Variants in KIAA1671 observed in about 807,000 individuals in gnomAD.
KIAA1671 encodes the protein uncharacterized protein KIAA1671.
A neutral mutation model predicts 131.2 loss-of-function variants in KIAA1671; 52 were observed. The ratio of observed to expected loss-of-function variants is 0.40; its 90% CI spans 0.32 to 0.50. KIAA1671 has a LOEUF of 0.50. Among genes scored for constraint, KIAA1671 ranks in the 20% least tolerant of loss-of-function variants. The pLI, the probability that KIAA1671 is intolerant of heterozygous loss-of-function variation, is 0.73. For synonymous variants in KIAA1671, 1,003 were observed against 961.6 expected (o/e 1.04, Z -0.80); for missense variants, 2,360 against 2,364.2 (o/e 1.00, Z 0.04).
chr22:25,190,677 T>A (rs769622925), intron 11 of KIAA1671, 25 bp from the exon 12 acceptor site: 1 of 1,543,330 alleles, frequency 6.5e-7, no homozygotes, highest in African/African-American at 1.4e-5. Flanking sequence ...TTTCAACTAG[T>A]CTCTTACTGG....
chr22:25,073,336 G>A (rs56089889), intron 6 of KIAA1671, among the ~76,000 whole-genome samples: 27,102 of 152,166 alleles, frequency 0.18, 3,048 homozygotes, highest in Non-Finnish European at 0.23. Flanking sequence ...CCAAAGTGCT[G>A]GGACTACAGG....
rs1420700524 is a variant in KIAA1671 at position 25,040,815 on chromosome 22, C to T, written c.3685C>T (p.Pro1229Ser). ...AQERRSPTVEPSTLPRERPVQ... is the reference protein window; with the variant it reads ...AQERRSPTVESSTLPRERPVQ... ...GGAGAGGAGGAGTCCCACCGTGGAG[C>T]CCAGTACGTTGCCTCGGGAGAGGCC... Residue 1229 changes from proline (P) to serine (S), a missense_variant, in exon 5 of 13, where the codon CCC becomes TCC. Physicochemically the swap from Pro to Ser is moderately conservative, Grantham distance 74. Coordinates refer to ENST00000358431, the MANE Select transcript of KIAA1671 (RefSeq NM_001145206.2). 1 of 1,551,522 alleles carries T rather than the reference C, an allele frequency of 6.4e-7. No homozygotes were observed.
At chr22:25,139,150 G>T (rs545621048) in intron 6 of KIAA1671, among the ~76,000 whole-genome samples, 1 of 152,202 alleles carries the variant, frequency 6.6e-6, no homozygotes, top group Non-Finnish European at 1.5e-5. Flanking sequence ...GGAATTCTGG[G>T]GATGCTGCTT....
chr22:25,069,516 G>A (rs954222039), intron 6 of KIAA1671, among the ~76,000 whole-genome samples: 3 of 152,200 alleles, frequency 2.0e-5, no homozygotes, highest in African/African-American at 7.2e-5. Flanking sequence ...GCTGGGCTGG[G>A]TGTCCACAGG....
chr22:25,083,037 C>T (rs1929497188), intron 6 of KIAA1671, among the ~76,000 whole-genome samples: 1 of 151,996 alleles, frequency 6.6e-6, no homozygotes, highest in Non-Finnish European at 1.5e-5. Flanking sequence ...TTTTATTTTG[C>T]TCCTCCTATG....
At chr22:25,181,029 G>A (rs1339944711) in intron 9 of KIAA1671, among the ~76,000 whole-genome samples, 2 of 152,110 alleles carry the variant, frequency 1.3e-5, no homozygotes, top group Non-Finnish European at 2.9e-5. Flanking sequence ...CAGTTCCTCG[G>A]GTAGCCCAAG....
Position 24,952,792 on chromosome 22 carries a change from C to G in KIAA1671, c.-208+20C>G, listed in dbSNP as rs1370104117. 1 of 152,902 alleles carries G rather than the reference C, an allele frequency of 6.5e-6. No individual in the cohort carries two copies. The highest frequency in any genetic ancestry group is 1.5e-5 in the Non-Finnish European group (1 of 68,150). The allele number at this position is 152,902 out of a possible 1,614,324, so 9.5% of individuals were successfully genotyped here. A position where few individuals can be genotyped will look rare whatever the true frequency, so the allele number is the denominator to read the frequency against. On this transcript the variant is annotated intron_variant, in intron 1 of 12. Coordinates refer to ENST00000358431, the MANE Select transcript of KIAA1671 (RefSeq NM_001145206.2). This position sits in a 1 kb window ranked among gnomAD's most constrained non-coding sequence, Gnocchi z 4.5. ...TCCACGGTAGGTTGCGCAGCGGCTG[C>G]GGGCAGTGGGGGCCGGCTGGCCGCC...
At chr22:25,191,745 C>T (rs887228847) in intron 12 of KIAA1671, among the ~76,000 whole-genome samples, 4 of 152,126 alleles carry the variant, frequency 2.6e-5, no homozygotes, top group South Asian at 2.1e-4. Flanking sequence ...TCAAAGTCAG[C>T]GTTGATGTGA....
intron 9 of KIAA1671, among the ~76,000 whole-genome samples, chr22:25,178,488 G>A (rs1218320781): frequency 2.0e-5 from 3 of 152,284 alleles, no homozygotes; most frequent in Non-Finnish European, 2.9e-5. Flanking sequence ...GGTCTTTCAA[G>A]GACATCTGCA....
Position 25,195,573 on chromosome 22 carries a change from G to A in KIAA1671, c.*3172G>A, listed in dbSNP as rs545837110. On this transcript the variant is annotated 3_prime_UTR_variant, in exon 13 of 13. Transcript: ENST00000358431. ...TCCCTGGAAGGGAGGCCAACTAAGG[G>A]TATCACCAAGAAGCCAAAAGAGAAA... 6.6e-6 allele frequency: 1 copy of A among 152,158 alleles called. No individual in the cohort carries two copies. The highest frequency in any genetic ancestry group is 1.5e-5 in the Non-Finnish European group (1 of 68,026). The allele number at this position is 152,158 out of a possible 1,614,324, so 9.4% of individuals were successfully genotyped here.
At chr22:25,187,214 A>G (rs1601395034) in intron 11 of KIAA1671, among the ~76,000 whole-genome samples, 1 of 152,234 alleles carries the variant, frequency 6.6e-6, no homozygotes, top group Non-Finnish European at 1.5e-5. Flanking sequence ...GAACAGAATC[A>G]GTCACGTCCT....
chr22:25,121,427 A>T (rs1214280908), intron 6 of KIAA1671, among the ~76,000 whole-genome samples: 3 of 150,172 alleles, frequency 2.0e-5, no homozygotes, highest in Non-Finnish European at 2.9e-5. Flanking sequence ...ACGCCACTGC[A>T]CTCCAGCCTG....
chr22:25,026,898 TGA>T (rs1242559025), intron 2 of KIAA1671, among the ~76,000 whole-genome samples: 2 of 152,130 alleles, frequency 1.3e-5, no homozygotes, highest in East Asian at 3.8e-4. Flanking sequence ...GGAGGGTTAA[TGA>T]GAGAGGAGGT....
intron 6 of KIAA1671, among the ~76,000 whole-genome samples, chr22:25,088,177 G>A (rs1013895422): frequency 4.0e-5 from 6 of 150,478 alleles, no homozygotes; most frequent in African/African-American, 1.5e-4. Context: ...GTGCAGTCTC[G>A]GCTCACTGCA....
chr22:25,135,311 G>A (rs1201542162), intron 6 of KIAA1671, among the ~76,000 whole-genome samples: 1 of 152,120 alleles, frequency 6.6e-6, no homozygotes, highest in Non-Finnish European at 1.5e-5. Context: ...TCAGCCTCCC[G>A]AGTAGCTGGG....
chr22:25,158,100 C>G (rs1933306802), intron 6 of KIAA1671, among the ~76,000 whole-genome samples: 1 of 152,170 alleles, frequency 6.6e-6, no homozygotes, highest in Non-Finnish European at 1.5e-5. Flanking sequence ...GGATTACAGG[C>G]GTGAGCCACC....
chr22:25,133,881 A>G, intron 6 of KIAA1671, among the ~76,000 whole-genome samples: 1 of 152,164 alleles, frequency 6.6e-6, no homozygotes, highest in East Asian at 1.9e-4. Context: ...AGAGGAAGGT[A>G]CATGCATAGA....
At chr22:24,992,183 G>GT (rs930099321) in intron 1 of KIAA1671, among the ~76,000 whole-genome samples, 8 of 152,224 alleles carry the variant, frequency 5.3e-5, no homozygotes, top group African/African-American at 1.4e-4. Context: ...GGAGGATGGA[G>GT]TTTGGACCCT....
intron 6 of KIAA1671, among the ~76,000 whole-genome samples, chr22:25,080,430 G>A (rs1006216359): frequency 2.6e-5 from 4 of 152,196 alleles, no homozygotes; most frequent in Admixed American, 6.5e-5. Context: ...GGTACCCAGA[G>A]CCTTTGGAGC....
Sources: allele counts gnomAD v4.1 joint callset (sites outside exome capture counted in the v4.1 genomes callset), GRCh38; gene constraint gnomAD v4.1.1; non-coding constraint Gnocchi (gnomAD v3.1); transcripts MANE v1.5; gene names NCBI Gene and HGNC (gene_info 2026-07-23, HGNC 2026-07-21).